JMJD1C: variants seen among roughly 807,000 people sequenced by gnomAD.
The protein encoded by JMJD1C is jumonji domain containing 1C.
Under a neutral mutation model 245.3 loss-of-function variants are expected in JMJD1C, and 31 were observed. The observed-to-expected ratio is 0.13, with a 90% CI of 0.09 to 0.17. The LOEUF (loss-of-function observed/expected upper bound fraction) is 0.17. Ranked by LOEUF, JMJD1C falls within the 10% of genes least tolerant of loss-of-function variation. The probability of loss-of-function intolerance (pLI) is 1.00; values close to 1 mark genes in which losing one functional copy is unlikely to be tolerated. For missense variants in JMJD1C, 2,691 were observed against 3,000.2 expected (o/e 0.90, Z 2.41); for synonymous variants, 1,057 against 1,017.4 (o/e 1.04, Z -0.74).
In JMJD1C at chr10:63,340,946, A is replaced by T. The variant is rs538405303; in HGVS notation, c.333+39372T>A. 8.6e-5 allele frequency among the ~76,000 whole-genome samples: 13 copies of T among 151,450 alleles called. No individual in the cohort carries two copies. In the South Asian group the frequency reaches 1.0e-3, roughly 12 times the overall value. On this transcript the variant is annotated intron_variant, in intron 2 of 25. Transcript: ENST00000399262. ...GGCGAAAAGAGCAAGACTCCATCTTAAAAAAAAAGTAGAAGAAACAAAAGA... is the reference window on the plus strand; with the variant it reads ...GGCGAAAAGAGCAAGACTCCATCTTTAAAAAAAAGTAGAAGAAACAAAAGA...
intron 23 of JMJD1C, chr10:63,177,069 C>T (rs1842928806): frequency 1.3e-5 from 2 of 152,572 alleles, no homozygotes. Flanking sequence ...TCACATTGAT[C>T]ACAGACAGAA....
chr10:63,218,373 T>C (rs2133259289), intron 4 of JMJD1C, among the ~76,000 whole-genome samples: 1 of 152,262 alleles, frequency 6.6e-6, no homozygotes, highest in Non-Finnish European at 1.5e-5. Flanking sequence ...TTAAATACTT[T>C]CATCTAGAGA....
At chr10:63,208,922 T>C in intron 9 of JMJD1C, 121 bp from the exon 10 acceptor site, 1 of 1,026,600 alleles carries the variant, frequency 9.7e-7, no homozygotes, top group Non-Finnish European at 1.4e-6. Flanking sequence ...ACTCTAATAC[T>C]ATAATAAATT....
At chr10:63,172,573 T>TG (rs1199621677) in intron 24 of JMJD1C, among the ~76,000 whole-genome samples, 1 of 151,424 alleles carries the variant, frequency 6.6e-6, no homozygotes, top group South Asian at 2.1e-4. Flanking sequence ...TACGTTCCAG[T>TG]GGGGGTTAAA....
intron 2 of JMJD1C, among the ~76,000 whole-genome samples, chr10:63,348,279 T>A (rs145362685): frequency 2.6e-5 from 4 of 151,872 alleles, no homozygotes; most frequent in African/African-American, 9.7e-5. Flanking sequence ...AGGGCAGATA[T>A]CTTAAGCAGG....
At chr10:63,305,281 T>C (rs2134010861) in intron 2 of JMJD1C, among the ~76,000 whole-genome samples, 1 of 150,172 alleles carries the variant, frequency 6.7e-6, no homozygotes, top group East Asian at 2.0e-4. Flanking sequence ...GGCAGGAGAA[T>C]CGCTTGAACC....
At chr10:63,368,525 A>G (rs867359734) in intron 2 of JMJD1C, among the ~76,000 whole-genome samples, 5 of 152,196 alleles carry the variant, frequency 3.3e-5, no homozygotes, top group Middle Eastern at 3.2e-3. Context: ...GATAATATCC[A>G]GCATCCAGGT....
At chr10:63,260,144 A>G (rs1354941104) in intron 3 of JMJD1C, among the ~76,000 whole-genome samples, 1 of 152,242 alleles carries the variant, frequency 6.6e-6, no homozygotes, top group African/African-American at 2.4e-5. Flanking sequence ...ATACTGTAAG[A>G]TAAACATGCG....
At chr10:63,467,210 T>C (rs896230902), upstream of JMJD1C, among the ~76,000 whole-genome samples, 3 of 152,068 alleles carry the variant, frequency 2.0e-5, no homozygotes, top group African/African-American at 7.2e-5. Flanking sequence ...AGACCAAACA[T>C]AGAACTGTAA....
intron 1 of JMJD1C, among the ~76,000 whole-genome samples, chr10:63,441,814 T>C (rs1350982441): frequency 6.6e-6 from 1 of 152,218 alleles, no homozygotes; most frequent in African/African-American, 2.4e-5. Context: ...CTTTCAGTTC[T>C]CTGGCCTGTT....
chr10:63,423,517 G>A (rs1182752251), intron 1 of JMJD1C, among the ~76,000 whole-genome samples: 2 of 152,182 alleles, frequency 1.3e-5, no homozygotes, highest in Non-Finnish European at 2.9e-5. Context: ...ATATTCCACT[G>A]TATTATATAG....
intron 1 of JMJD1C, among the ~76,000 whole-genome samples, chr10:63,439,740 T>C (rs1020284970): frequency 2.6e-4 from 40 of 152,314 alleles, no homozygotes; most frequent in Non-Finnish European, 5.4e-4. Context: ...TACTATCATA[T>C]ATAAAAACAA....
At chr10:63,251,409 T>C (rs377045703) in intron 3 of JMJD1C, among the ~76,000 whole-genome samples, 2 of 152,234 alleles carry the variant, frequency 1.3e-5, no homozygotes, top group Non-Finnish European at 2.9e-5. Context: ...TGGAATATAT[T>C]AGTATTCCTA....
intron 3 of JMJD1C, among the ~76,000 whole-genome samples, chr10:63,247,175 GAA>G (rs1208373494): frequency 6.7e-6 from 1 of 150,100 alleles, no homozygotes; most frequent in African/African-American, 2.4e-5. Context: ...GCTGGATTTT[GAA>G]AAGATAGATA....
At chr10:63,453,207 G>A (rs904452998) in intron 1 of JMJD1C, among the ~76,000 whole-genome samples, 7 of 152,250 alleles carry the variant, frequency 4.6e-5, no homozygotes, top group East Asian at 1.9e-4. Context: ...CCCAGGAGGC[G>A]GAGGGTGCAG....
chr10:63,295,898 T>C (rs988235376), intron 2 of JMJD1C, among the ~76,000 whole-genome samples: 22 of 149,940 alleles, frequency 1.5e-4, no homozygotes, highest in African/African-American at 4.6e-4. Flanking sequence ...TATATATATA[T>C]ACATGAATAC....
At chr10:63,500,237 C>T (rs1019123506) in intron 1 of JMJD1C, among the ~76,000 whole-genome samples, 2 of 152,010 alleles carry the variant, frequency 1.3e-5, no homozygotes, top group African/African-American at 4.8e-5. Context: ...GCTTGGGTAA[C>T]ATGGTGATAC....
intron 1 of JMJD1C, among the ~76,000 whole-genome samples, chr10:63,432,460 G>A (rs765333508): frequency 1.8e-4 from 28 of 152,136 alleles, no homozygotes; most frequent in Non-Finnish European, 3.8e-4. Context: ...GTGACACTAT[G>A]AGCCTTCTTG....
At chr10:63,392,044 T>A (rs777455536) in intron 1 of JMJD1C, among the ~76,000 whole-genome samples, 2 of 152,196 alleles carry the variant, frequency 1.3e-5, no homozygotes, top group Non-Finnish European at 2.9e-5. Flanking sequence ...CGCAATTTCC[T>A]CAGTTACAAT....
Sources: gnomAD v4.1 joint callset for allele counts (sites outside exome capture counted in the v4.1 genomes callset) on GRCh38, gnomAD v4.1.1 for gene constraint, MANE v1.5 for transcripts, NCBI Gene and HGNC (gene_info 2026-07-23, HGNC 2026-07-21) for gene names.